Variants in SETD2 observed in about 807,000 individuals in gnomAD.
SETD2 encodes the protein SET domain containing 2, histone lysine methyltransferase.
Under a neutral mutation model 242.1 loss-of-function variants are expected in SETD2, and 31 were observed. That is an observed-to-expected ratio of 0.13 (90% CI 0.10 to 0.17). SETD2 has a LOEUF of 0.17. SETD2 is among the 10% of genes least tolerant of loss of function. The probability of loss-of-function intolerance (pLI) is 1.00; values close to 1 mark genes in which losing one functional copy is unlikely to be tolerated. For missense variants in SETD2, 2,481 were observed against 3,046.3 expected (o/e 0.81, Z 4.37); for synonymous variants, 1,006 against 1,066.5 (o/e 0.94, Z 1.11).
rs772882978 is a variant in SETD2, at chr3:47,120,543, C to T, written c.4093G>A (p.Gly1365Arg). ...KFLLSLQKDKGSVQAPEISSN... is the reference protein window; with the variant it reads ...KFLLSLQKDKRSVQAPEISSN... ...CTTATTTCAGGTGCTTGCACTGACC[C>T]CTTGTCTTTCTGAAGGGATAGAAGA... The change falls in exon 3 of 21, where the codon GGG becomes AGG. Residue 1365 changes from glycine (G) to arginine (R), a missense_variant. Gly to Arg is a moderately radical substitution (Grantham distance 125). Around this residue, in one of 17 missense-constraint regions of SETD2, gnomAD observed 1,300 missense variants for 1,259.2 expected, o/e 1.03. Coordinates refer to ENST00000409792, the MANE Select transcript of SETD2 (RefSeq NM_014159.7). The T allele has an allele frequency of 3.7e-6, 6 of 1,614,156 alleles. No homozygotes were observed. The highest frequency in any genetic ancestry group is 3.3e-5 in the Admixed American group (2 of 60,016).
At chr3:47,101,421 C>T (rs2107682428) in intron 8 of SETD2, 37 bp downstream of exon 8, 1 of 1,140,374 alleles carries the variant, frequency 8.8e-7, no homozygotes, top group Non-Finnish European at 1.3e-6. Context: ...CCTATTTCCC[C>T]ATCAGAAGCA....
chr3:47,053,362 T>A (rs1013143402), intron 15 of SETD2, among the ~76,000 whole-genome samples: 31 of 152,256 alleles, frequency 2.0e-4, no homozygotes, highest in African/African-American at 7.2e-4. Context: ...TTTTCACCAT[T>A]TTTAACAGCA....
At chr3:47,040,617 C>T (rs1241571367) in intron 17 of SETD2, among the ~76,000 whole-genome samples, 1 of 122,092 alleles carries the variant, frequency 8.2e-6, no homozygotes, top group East Asian at 2.6e-4. Flanking sequence ...CTCTGTCACC[C>T]AGGCCGGAAT....
chr3:47,023,656 T>C (rs1037603767), intron 18 of SETD2, among the ~76,000 whole-genome samples: 1 of 151,786 alleles, frequency 6.6e-6, no homozygotes, highest in African/African-American at 2.4e-5. Context: ...GGATAGAAAA[T>C]ATTGAAAAAA....
intron 5 of SETD2, among the ~76,000 whole-genome samples, chr3:47,109,362 C>T (rs539410150): frequency 4.6e-5 from 7 of 152,226 alleles, no homozygotes; most frequent in East Asian, 1.9e-4. Flanking sequence ...ATTAATAAAA[C>T]GGGCCAGGGG....
upstream of SETD2, among the ~76,000 whole-genome samples, chr3:47,164,147 C>T (rs1049047248): frequency 2.6e-5 from 4 of 152,248 alleles, no homozygotes; most frequent in South Asian, 8.3e-4. The surrounding 1 kb of genome is among the most constrained non-coding windows in gnomAD (Gnocchi z 5.4). Flanking sequence ...CGACGCACAC[C>T]CCACCCGCCC....
At chr3:47,090,123 C>T (rs1388306877) in intron 9 of SETD2, among the ~76,000 whole-genome samples, 3 of 151,954 alleles carry the variant, frequency 2.0e-5, no homozygotes, top group Non-Finnish European at 4.4e-5. Flanking sequence ...TGGCGGGAGC[C>T]TGTAGTACCA....
chr3:47,079,185 C>G (rs1485202339), intron 12 of SETD2, among the ~76,000 whole-genome samples: 1 of 152,078 alleles, frequency 6.6e-6, no homozygotes. Flanking sequence ...GAAATTATAT[C>G]ATAATTAAAA....
intron 1 of SETD2, among the ~76,000 whole-genome samples, chr3:47,130,920 A>G (rs2043461349): frequency 6.6e-6 from 1 of 152,176 alleles, no homozygotes; most frequent in Admixed American, 6.5e-5. Context: ...GTATATATAG[A>G]AAAAGACTTA....
chr3:47,071,973 C>A (rs1402679760), intron 12 of SETD2, among the ~76,000 whole-genome samples: 1 of 152,104 alleles, frequency 6.6e-6, no homozygotes, highest in Non-Finnish European at 1.5e-5. Flanking sequence ...AAAAAGGTTA[C>A]CACTGGTTTA....
At chr3:47,158,726 T>C (rs553850156) in intron 1 of SETD2, among the ~76,000 whole-genome samples, 107 of 152,352 alleles carry the variant, frequency 7.0e-4, no homozygotes, top group African/African-American at 2.4e-3. Context: ...ATGCACATTT[T>C]TGACTGTGTT....
At chr3:47,097,037 T>C (rs1166961352) in intron 9 of SETD2, among the ~76,000 whole-genome samples, 2 of 152,196 alleles carry the variant, frequency 1.3e-5, no homozygotes, top group African/African-American at 2.4e-5. Flanking sequence ...CATTATACTC[T>C]CATCACCTCC....
At chr3:47,149,839 GAA>G (rs2043942001) in intron 1 of SETD2, among the ~76,000 whole-genome samples, 1 of 152,066 alleles carries the variant, frequency 6.6e-6, no homozygotes, top group Non-Finnish European at 1.5e-5. Flanking sequence ...TCGATATAAT[GAA>G]AAGAGTTTAA....
chr3:47,071,549 G>A (rs2040818799), intron 12 of SETD2, among the ~76,000 whole-genome samples: 1 of 152,124 alleles, frequency 6.6e-6, no homozygotes, highest in African/African-American at 2.4e-5. Flanking sequence ...TGTGTTTCCA[G>A]GGTCAGAGTG....
At chr3:47,051,008 T>C (rs1042724012) in intron 15 of SETD2, among the ~76,000 whole-genome samples, 2 of 152,038 alleles carry the variant, frequency 1.3e-5, no homozygotes, top group South Asian at 2.1e-4. Context: ...GCTGGGATTA[T>C]AGATGTGAGC....
At chr3:47,065,422 G>A (rs1485020157) in intron 13 of SETD2, among the ~76,000 whole-genome samples, 4 of 151,902 alleles carry the variant, frequency 2.6e-5, no homozygotes, top group Admixed American at 2.6e-4. Flanking sequence ...GTGGGTCAGT[G>A]GTGGAGGTAC....
Position 47,132,147 on chromosome 3 carries a change from T to C in SETD2, c.72-5484A>G, listed in dbSNP as rs2043493531. On this transcript the variant is annotated intron_variant, in intron 1 of 20. Transcript: ENST00000409792. ...TACACATATCTTTTTTTTTTTTTTT[T>C]TTTGAGACAGGATCTCATTCTGTCT... 2.0e-5 allele frequency among the ~76,000 whole-genome samples: 3 copies of C among 151,320 alleles called. No individual in the cohort carries two copies. In the East Asian group the frequency reaches 5.8e-4, roughly 29 times the overall value.
At chr3:47,067,496 CCT>C (rs2040612812) in intron 12 of SETD2, among the ~76,000 whole-genome samples, 1 of 148,578 alleles carries the variant, frequency 6.7e-6, no homozygotes, top group Non-Finnish European at 1.5e-5. Context: ...CTCACTGCAA[CCT>C]CTGCCTCCCA....
chr3:47,149,774 C>CA (rs2043940649), intron 1 of SETD2, among the ~76,000 whole-genome samples: 1 of 152,140 alleles, frequency 6.6e-6, no homozygotes, highest in South Asian at 2.1e-4. Context: ...AATAAATTGT[C>CA]AAGAGTTCAA....
Sources: gnomAD v4.1 joint callset for allele counts (sites outside exome capture counted in the v4.1 genomes callset) on GRCh38, gnomAD v4.1.1 for gene constraint, gnomAD v4.1.1 regional missense constraint, Gnocchi (gnomAD v3.1) non-coding constraint, MANE v1.5 for transcripts, NCBI Gene and HGNC (gene_info 2026-07-23, HGNC 2026-07-21) for gene names.